The following PITPNM2 variants were observed in gnomAD, a reference collection of about 807,000 sequenced individuals.
The protein encoded by PITPNM2 is membrane-associated phosphatidylinositol transfer protein 2.
A neutral mutation model predicts 132.2 loss-of-function variants in PITPNM2; 35 were observed. That is an observed-to-expected ratio of 0.26 (90% CI 0.20 to 0.35). The LOEUF (loss-of-function observed/expected upper bound fraction) is 0.35. Among genes scored for constraint, PITPNM2 ranks in the 10% least tolerant of loss-of-function variants. The pLI, the probability that PITPNM2 is intolerant of heterozygous loss-of-function variation, is 1.00. For missense variants in PITPNM2, 1,332 were observed against 1,912.0 expected, an observed-to-expected ratio of 0.70 and a Z score of 5.66; for synonymous variants, 738 against 799.2, an observed-to-expected ratio of 0.92 and a Z score of 1.29.
rs2039689587 is a variant in PITPNM2, at chr12:123,022,045, A to C, written c.79-8003T>G. Among the ~76,000 whole-genome samples, 1 of 152,194 alleles carries C rather than the reference A, an allele frequency of 6.6e-6. No homozygotes were observed. The highest frequency in any genetic ancestry group is 2.1e-4 in the South Asian group (1 of 4,832). On this transcript the variant is annotated intron_variant, in intron 3 of 25. Coordinates refer to ENST00000320201, the MANE Select transcript of PITPNM2 (RefSeq NM_020845.3). The surrounding 1 kb of genome is among the most constrained non-coding windows in gnomAD (Gnocchi z 4.9). ...GGAATCGCCATGGCTCCAAAGCCAG[A>C]TGTCTCCATGGCTTCAAAGTTCCCC...
intron 2 of PITPNM2, among the ~76,000 whole-genome samples, chr12:123,068,836 G>A (rs1365986648): frequency 1.3e-5 from 2 of 152,182 alleles, no homozygotes; most frequent in African/African-American, 4.8e-5. Flanking sequence ...CCCACTTCAA[G>A]GGACATGGTC....
intron 1 of PITPNM2, among the ~76,000 whole-genome samples, chr12:123,134,934 C>A (rs1426121858): frequency 1.3e-5 from 2 of 152,178 alleles, no homozygotes; most frequent in Non-Finnish European, 2.9e-5. Flanking sequence ...AGTTCCCCAA[C>A]AAGCACAGGT....
At position 123,079,350 on chromosome 12, in the gene PITPNM2, C is replaced by CTTTTTT. The variant is rs139205213; in HGVS notation, c.-96+31029_-96+31034dup. On this transcript the variant is annotated intron_variant, in intron 2 of 25. Transcript: ENST00000320201. Reference sequence around the variant, plus strand: ...TTCACTTCTTTTTCTTTTTTCTTTTCTTTTTTTTTTTTTTTTTTTTTTTTT... The same window carrying CTTTTTT: ...TTCACTTCTTTTTCTTTTTTCTTTTCTTTTTTTTTTTTTTTTTTTTTTTTTTTTTTT... 4.3e-3 allele frequency among the ~76,000 whole-genome samples: 230 copies of CTTTTTT among 53,836 alleles called. 1 individual carries two copies. The highest frequency in any genetic ancestry group is 9.5e-3 in the African/African-American group (153 of 16,184). 35.3% of individuals were successfully genotyped at this position (53,836 alleles called of 152,430 possible).
At chr12:123,019,870 T>C (rs2039599189) in intron 3 of PITPNM2, among the ~76,000 whole-genome samples, 1 of 151,342 alleles carries the variant, frequency 6.6e-6, no homozygotes, top group Non-Finnish European at 1.5e-5. Context: ...CTCAGGGGGG[T>C]CAGGGAAAGT....
intron 1 of PITPNM2, among the ~76,000 whole-genome samples, chr12:123,149,481 G>A (rs2043684174): frequency 6.6e-6 from 1 of 152,152 alleles, no homozygotes; most frequent in African/African-American, 2.4e-5. Flanking sequence ...AACAGTCCAG[G>A]AATCAGACAA....
At chr12:123,118,971 C>A (rs534571193) in intron 1 of PITPNM2, among the ~76,000 whole-genome samples, 1 of 152,302 alleles carries the variant, frequency 6.6e-6, no homozygotes, top group African/African-American at 2.4e-5. Flanking sequence ...CAGTGTCACT[C>A]GGCTGTGTCC....
At position 123,079,801 on chromosome 12, in the gene PITPNM2, T is replaced by C. The variant is rs150101334; in HGVS notation, c.-96+30584A>G. 1.0e-4 allele frequency among the ~76,000 whole-genome samples: 16 copies of C among 152,384 alleles called. No individual in the cohort carries two copies. The East Asian group carries it at 2.7e-3, about 26-fold the overall frequency. ...ACATATAACACAAAATTTACCATTT[T>C]AACCATTTTAAAGTGTTCACTTCAG... On this transcript the variant is annotated intron_variant, in intron 2 of 25. Transcript: ENST00000320201.
rs949430496 is a variant in PITPNM2, at chr12:123,111,660, C to T, written c.-199-1172G>A. ...CCACCGCGTCCTGCATGCCCACCCCCGTGCAGGCTCCTCTGTGGGACTGAG... is the reference window on the plus strand; with the variant it reads ...CCACCGCGTCCTGCATGCCCACCCCTGTGCAGGCTCCTCTGTGGGACTGAG... On this transcript the variant is annotated intron_variant, in intron 1 of 25. Coordinates refer to ENST00000320201, the MANE Select transcript of PITPNM2 (RefSeq NM_020845.3). This position sits in a 1 kb window ranked among gnomAD's most constrained non-coding sequence, Gnocchi z 4.1. Among the ~76,000 whole-genome samples the T allele has an allele frequency of 6.6e-6, 1 of 152,238 alleles. No homozygotes were observed. The highest frequency in any genetic ancestry group is 1.9e-4 in the East Asian group (1 of 5,198).
chr12:123,000,316 G>A lies in PITPNM2; in HGVS notation c.1224+462C>T. The A allele has an allele frequency of 1.5e-6, 1 of 680,964 alleles. No homozygotes were observed. 42.2% of individuals were successfully genotyped at this position (680,964 alleles called of 1,614,324 possible). On this transcript the variant is annotated intron_variant, in intron 10 of 25. Coordinates refer to ENST00000320201, the MANE Select transcript of PITPNM2 (RefSeq NM_020845.3). This position sits in a 1 kb window ranked among gnomAD's most constrained non-coding sequence, Gnocchi z 5.4. ...CGGATACAGGCGCTCTACCAAGACA[G>A]TTTTATTGGACACACTGAGCTCCGC...
In PITPNM2 at chr12:123,022,768, T is replaced by C. The variant is rs2039718567; in HGVS notation, c.79-8726A>G. Among the ~76,000 whole-genome samples the C allele has an allele frequency of 6.6e-6, 1 of 152,168 alleles. No homozygotes were observed. Among genetic ancestry groups the C allele is most frequent in the Non-Finnish European group, 1.5e-5 (1 of 68,026 alleles). On this transcript the variant is annotated intron_variant, in intron 3 of 25. Coordinates refer to ENST00000320201, the MANE Select transcript of PITPNM2 (RefSeq NM_020845.3). This position sits in a 1 kb window ranked among gnomAD's most constrained non-coding sequence, Gnocchi z 4.9. ...CATGTGCATCAGAACCCCCAACCCC[T>C]ACCTAATAGGCACCAGGCATGGTGG...
intron 1 of PITPNM2, among the ~76,000 whole-genome samples, chr12:123,134,638 G>GA (rs1036568471): frequency 1.1e-4 from 16 of 144,900 alleles, no homozygotes; most frequent in Admixed American, 2.1e-4. Flanking sequence ...ACTTACAAGG[G>GA]AAAAAAAAAA....
At chr12:123,043,783 C>G (rs559470440) in intron 2 of PITPNM2, among the ~76,000 whole-genome samples, 1 of 152,340 alleles carries the variant, frequency 6.6e-6, no homozygotes, top group East Asian at 1.9e-4. Context: ...GAGGGCGCAT[C>G]CTGCTCAAGG....
chr12:123,150,905 G>A lies in PITPNM2; in HGVS notation c.-352C>T, dbSNP rs867719554. ...CGCCGCCTGCTGGCCCCGGGCGAGC[G>A]GCAGAGCCCCGGCGGGCATTGCTCC... On this transcript the variant is annotated 5_prime_UTR_variant, in exon 1 of 26. Coordinates refer to ENST00000320201, the MANE Select transcript of PITPNM2 (RefSeq NM_020845.3). This position sits in a 1 kb window ranked among gnomAD's most constrained non-coding sequence, Gnocchi z 6.0. Among the ~76,000 whole-genome samples, 7 of 145,076 alleles carry A rather than the reference G, an allele frequency of 4.8e-5. No homozygotes were observed. In the Middle Eastern group the frequency reaches 0.01, roughly 216 times the overall value.
At position 122,995,460 on chromosome 12, in the gene PITPNM2, C is replaced by T; in HGVS notation, c.1983G>A (p.Leu661=). Residue 661 remains leucine, a synonymous_variant, in exon 14 of 26, where the codon CTG becomes CTA. Transcript: ENST00000320201. The part of the protein sequence containing the change: ...SNGTEDPKRQ[L]PRKRSDSSTY... Reference sequence around the variant, plus strand: ...TGGATGAGTCGCTCCTCTTGCGGGGCAGTTGCCTTTTGGGGTCCTCAGTGC... The same window carrying T: ...TGGATGAGTCGCTCCTCTTGCGGGGTAGTTGCCTTTTGGGGTCCTCAGTGC... 1 of 1,614,030 alleles carries T rather than the reference C, an allele frequency of 6.2e-7. No individual in the cohort carries two copies. The highest frequency in any genetic ancestry group is 1.3e-5 in the African/African-American group (1 of 75,068).
intron 2 of PITPNM2, among the ~76,000 whole-genome samples, chr12:123,080,471 C>G (rs2041925347): frequency 6.6e-6 from 1 of 152,218 alleles, no homozygotes; most frequent in African/African-American, 2.4e-5. Flanking sequence ...AAGTTGCAGG[C>G]CCAGAGGCCC....
At chr12:123,085,802 C>G (rs2042095319) in intron 2 of PITPNM2, among the ~76,000 whole-genome samples, 1 of 152,240 alleles carries the variant, frequency 6.6e-6, no homozygotes, top group Non-Finnish European at 1.5e-5. Context: ...TGCCCCCAGA[C>G]AGACTCAATG....
At chr12:123,088,765 A>G (rs981481972) in intron 2 of PITPNM2, 4 of 152,240 alleles carry the variant, frequency 2.6e-5, no homozygotes, top group African/African-American at 9.7e-5. Flanking sequence ...AACAAAAAAC[A>G]GGCACATCTT....
intron 2 of PITPNM2, among the ~76,000 whole-genome samples, chr12:123,093,903 C>A (rs894544285): frequency 6.6e-6 from 1 of 152,256 alleles, no homozygotes; most frequent in Non-Finnish European, 1.5e-5. Context: ...CACCAGAACC[C>A]CCTGGGCAGA....
chr12:123,133,523 C>T (rs2043308977), intron 1 of PITPNM2, among the ~76,000 whole-genome samples: 2 of 152,066 alleles, frequency 1.3e-5, no homozygotes, highest in Admixed American at 1.3e-4. Flanking sequence ...GAATCTGATG[C>T]CAATGGAAGA....
Sources: gnomAD v4.1 joint callset for allele counts (sites outside exome capture counted in the v4.1 genomes callset) on GRCh38, gnomAD v4.1.1 for gene constraint, Gnocchi (gnomAD v3.1) non-coding constraint, MANE v1.5 for transcripts, NCBI Gene and HGNC (gene_info 2026-07-23, HGNC 2026-07-21) for gene names.